The following BEST4 variants were observed in gnomAD, a reference collection of about 807,000 sequenced individuals.
The protein encoded by BEST4 is bestrophin-4.
BEST4 carries 36 observed loss-of-function variants against 47.1 expected under a neutral mutation model. The observed-to-expected ratio is 0.76, with a 90% CI of 0.59 to 1.01. BEST4 has a LOEUF of 1.01. Ranked by LOEUF, BEST4 falls within the 50% of genes least tolerant of loss-of-function variation. The pLI, the probability that BEST4 is intolerant of heterozygous loss-of-function variation, is 0.00. For synonymous variants in BEST4, 250 were observed against 277.8 expected (o/e 0.90, Z 1.00); for missense variants, 550 against 648.6 (o/e 0.85, Z 1.65).
rs1651299225 is a variant in BEST4 at position 44,787,693 on chromosome 1, A to G, written c.13T>C (p.Tyr5His). ...CGGGCCTCCGCCACTTTGAGAGTGT[A>G]TGAAACCGTCATGGTGCTGGGAGCC... MTVS[Y>H]TLKVAEARFG... Residue 5 changes from tyrosine to histidine, a missense_variant, in exon 1 of 9, where the codon TAC (tyrosine) becomes CAC (histidine). Around this residue, in one of 3 missense-constraint regions of BEST4, gnomAD observed 291 missense variants for 342.4 expected, o/e 0.85. Coordinates refer to ENST00000372207, the MANE Select transcript of BEST4 (RefSeq NM_153274.3). 1 of 1,613,978 alleles carries G rather than the reference A, an allele frequency of 6.2e-7. No individual in the cohort carries two copies. Among genetic ancestry groups the G allele is most frequent in the Non-Finnish European group, 8.5e-7 (1 of 1,180,042 alleles).
chr1:44,785,190 G>T lies in BEST4; in HGVS notation c.830C>A (p.Pro277Gln). 1 of 1,614,018 alleles carries T rather than the reference G, an allele frequency of 6.2e-7. No individual in the cohort carries two copies. The highest frequency in any genetic ancestry group is 8.5e-7 in the Non-Finnish European group (1 of 1,180,004). ...PQKLLKPGQE[P>Q]APALGDPDMY... ...GTCCGGGTCTCCCAGGGCTGGGGCT[G>T]GCTCCTGGCCTGGCTTCAGAAGCTT... Residue 277 changes from proline to glutamine, a missense_variant, in exon 6 of 9, where the codon CCA becomes CAA. Around this residue, in one of 3 missense-constraint regions of BEST4, gnomAD observed 255 missense variants for 286.6 expected, o/e 0.89. Coordinates refer to ENST00000372207, the MANE Select transcript of BEST4 (RefSeq NM_153274.3).
rs1427911359 is a variant in BEST4, at chr1:44,783,756, A to G, written c.*454T>C. ...CTCAAATTGTGTTTCCTGGACAAGC[A>G]GCACAGCATCACCTGGGAACTTGTT... On this transcript the variant is annotated 3_prime_UTR_variant, in exon 9 of 9. Coordinates refer to ENST00000372207, the MANE Select transcript of BEST4 (RefSeq NM_153274.3). 1.3e-5 allele frequency: 2 copies of G among 155,622 alleles called. No homozygotes were observed. The highest frequency in any genetic ancestry group is 4.8e-5 in the African/African-American group (2 of 41,594). 9.6% of individuals were successfully genotyped at this position (155,622 alleles called of 1,614,324 possible).
downstream of BEST4, among the ~76,000 whole-genome samples, chr1:44,781,900 G>A (rs1349942536): frequency 2.0e-5 from 3 of 152,184 alleles, no homozygotes; most frequent in Non-Finnish European, 2.9e-5. Flanking sequence ...TGTGGCTTAC[G>A]CCTGTAATCC....
At position 44,786,250 on chromosome 1, in the gene BEST4, G is replaced by A. The variant is rs762962787; in HGVS notation, c.482-22C>T. On this transcript the variant is annotated intron_variant, in intron 3 of 8. Transcript: ENST00000372207. The surrounding 1 kb of genome is among the most constrained non-coding windows in gnomAD (Gnocchi z 4.9). ...AAACCTGAGGGGGTAAAGCAGGTGG[G>A]GTGCAGTTGCACCCTCTGCCGCCAG... 1.9e-6 allele frequency: 3 copies of A among 1,597,706 alleles called. No individual in the cohort carries two copies. In the African/African-American group the frequency reaches 4.0e-5, roughly 21 times the overall value.
intron 5 of BEST4, 96 bp downstream of exon 5, chr1:44,785,503 A>C (rs989525790): frequency 4.2e-5 from 55 of 1,319,922 alleles, no homozygotes; most frequent in Non-Finnish European, 5.8e-5. Flanking sequence ...AGGGGACTGA[A>C]ATGGCCAGGC....
downstream of BEST4, among the ~76,000 whole-genome samples, chr1:44,782,898 G>A (rs1416005606): frequency 6.6e-6 from 1 of 152,084 alleles, no homozygotes; most frequent in Non-Finnish European, 1.5e-5. Context: ...GAATCGTATA[G>A]GAGCATAGTT....
chr1:44,789,272 GAAAAAGAA>G (rs1557615229), upstream of BEST4, among the ~76,000 whole-genome samples: 3 of 112,180 alleles, frequency 2.7e-5, no homozygotes, highest in Non-Finnish European at 6.3e-5. Flanking sequence ...AAGAAAGAAA[GAAAAAGAA>G]AAAGAAAAAG....
In BEST4 at chr1:44,784,907, G is replaced by C. The variant is rs16832241; in HGVS notation, c.991C>G (p.Gln331Glu). Residue 331 changes from glutamine to glutamate, a missense_variant and splice_region_variant, in exon 7 of 9, where the codon CAG (glutamine) becomes GAG (glutamate). Physicochemically the swap from Gln to Glu is conservative, Grantham distance 29. Coordinates refer to ENST00000372207, the MANE Select transcript of BEST4 (RefSeq NM_153274.3). The surrounding 1 kb of genome is among the most constrained non-coding windows in gnomAD (Gnocchi z 6.2). ...ETNQLIDRNL[Q>E]VSLLSVDEMY... Reference sequence around the variant, plus strand: ...TCCTGATCCTGATGCTTGCTCACCTGCAAGTTGCGGTCTATGAGCTGATTT... The same window carrying C: ...TCCTGATCCTGATGCTTGCTCACCTCCAAGTTGCGGTCTATGAGCTGATTT... 6.2e-7 allele frequency: 1 copy of C among 1,614,166 alleles called. No homozygotes were observed. The highest frequency in any genetic ancestry group is 8.5e-7 in the Non-Finnish European group (1 of 1,180,022).
chr1:44,786,016 A>G lies in BEST4; in HGVS notation c.636+58T>C. 1 of 1,527,878 alleles carries G rather than the reference A, an allele frequency of 6.5e-7. No individual in the cohort carries two copies. The highest frequency in any genetic ancestry group is 8.8e-7 in the Non-Finnish European group (1 of 1,138,724). The allele number at this position is 1,527,878 out of a possible 1,614,324, so 94.6% of individuals were successfully genotyped here. A position where few individuals can be genotyped will look rare whatever the true frequency, so the allele number is the denominator to read the frequency against. On this transcript the variant is annotated intron_variant, in intron 4 of 8. Transcript: ENST00000372207. This position sits in a 1 kb window ranked among gnomAD's most constrained non-coding sequence, Gnocchi z 4.9. Reference sequence around the variant, plus strand: ...ACAACTGTTAGGTATTAAAATTATTATTCATCTTTAAAATTAGAGGGAGGA... The same window carrying G: ...ACAACTGTTAGGTATTAAAATTATTGTTCATCTTTAAAATTAGAGGGAGGA...
intron 4 of BEST4, 81 bp from the exon 5 acceptor site, chr1:44,785,757 G>T: frequency 1.6e-6 from 2 of 1,220,612 alleles, no homozygotes; most frequent in Non-Finnish European, 2.3e-6. Context: ...CCTGGGCCTG[G>T]CCAGGAGGCT....
At chr1:44,788,235 G>A (rs1351526062), upstream of BEST4, among the ~76,000 whole-genome samples, 1 of 152,228 alleles carries the variant, frequency 6.6e-6, no homozygotes, top group Non-Finnish European at 1.5e-5. Flanking sequence ...GCTGGACTGA[G>A]GCCTATCATT....
chr1:44,789,474 G>A (rs187026015), upstream of BEST4, among the ~76,000 whole-genome samples: 299 of 151,072 alleles, frequency 2.0e-3, 1 homozygote, highest in African/African-American at 6.7e-3. Context: ...CGAGGCAGGC[G>A]GATCACCTGA....
In BEST4 at chr1:44,784,579, G is replaced by A; in HGVS notation, c.1148+50C>T. 6.4e-7 allele frequency: 1 copy of A among 1,574,014 alleles called. No individual in the cohort carries two copies. The highest frequency in any genetic ancestry group is 8.6e-7 in the Non-Finnish European group (1 of 1,161,498). Reference sequence around the variant, plus strand: ...AGGACCGAGGCATCGGTGCCCCAGAGGCTGAGCGAGGACCCGCGTGCCGGG... The same window carrying A: ...AGGACCGAGGCATCGGTGCCCCAGAAGCTGAGCGAGGACCCGCGTGCCGGG... On this transcript the variant is annotated intron_variant, in intron 8 of 8. Transcript: ENST00000372207. This position sits in a 1 kb window ranked among gnomAD's most constrained non-coding sequence, Gnocchi z 6.2.
intron 6 of BEST4, 59 bp downstream of exon 6, chr1:44,785,049 G>A: frequency 6.2e-7 from 1 of 1,611,108 alleles, no homozygotes; most frequent in Non-Finnish European, 8.5e-7. Context: ...CAAAGTCGGG[G>A]CAGCCCCTCT....
intron 1 of BEST4, 41 bp downstream of exon 1, chr1:44,787,513 C>T: frequency 6.2e-7 from 1 of 1,614,072 alleles, no homozygotes; most frequent in Non-Finnish European, 8.5e-7. Flanking sequence ...GTGGGTGGCC[C>T]AGTCTCCCCA....
Position 44,784,995 on chromosome 1 carries a change from G to A in BEST4, c.913-10C>T. On this transcript the variant is annotated splice_polypyrimidine_tract_variant and intron_variant, in intron 6 of 8. Transcript: ENST00000372207. This position sits in a 1 kb window ranked among gnomAD's most constrained non-coding sequence, Gnocchi z 6.2. ...TGATCTGTTCAGCCACCTATAGGTG[G>A]CAGAGACAGGGTTTTCTGGGTTCAG... 1.2e-6 allele frequency: 2 copies of A among 1,613,716 alleles called. No homozygotes were observed. Among genetic ancestry groups the A allele is most frequent in the Non-Finnish European group, 1.7e-6 (2 of 1,179,786 alleles).
upstream of BEST4, among the ~76,000 whole-genome samples, chr1:44,788,740 T>C (rs1262651999): frequency 1.3e-5 from 2 of 152,216 alleles, no homozygotes; most frequent in Non-Finnish European, 2.9e-5. Flanking sequence ...TCCTGTGCAC[T>C]GGCCACACTC....
chr1:44,786,670 G>C lies in BEST4; in HGVS notation c.274C>G (p.Arg92Gly), dbSNP rs935366567. ...LGFYVTLVVN[R>G]WWSQYTSIPL... Reference sequence around the variant, plus strand: ...ATGCTTGTGTACTGGGACCACCAGCGGTTCACCACGAGAGTCACATAGAAA... The same window carrying C: ...ATGCTTGTGTACTGGGACCACCAGCCGTTCACCACGAGAGTCACATAGAAA... Residue 92 changes from arginine (R) to glycine (G), a missense_variant, in exon 3 of 9, where the codon CGC (arginine) becomes GGC (glycine). By Grantham distance (125) the Arg-to-Gly change is moderately radical. Transcript: ENST00000372207. This position sits in a 1 kb window ranked among gnomAD's most constrained non-coding sequence, Gnocchi z 4.9. 9.0e-6 allele frequency: 14 copies of C among 1,551,268 alleles called. No individual in the cohort carries two copies. The highest frequency in any genetic ancestry group is 1.2e-5 in the Non-Finnish European group (14 of 1,146,846).
At chr1:44,791,326 A>C (rs548349313), upstream of BEST4, among the ~76,000 whole-genome samples, 1 of 152,114 alleles carries the variant, frequency 6.6e-6, no homozygotes, top group South Asian at 2.1e-4. Flanking sequence ...ATGGCCAGGC[A>C]GTTCATTCTC....
Sources: gnomAD v4.1 joint callset for allele counts (sites outside exome capture counted in the v4.1 genomes callset) on GRCh38, gnomAD v4.1.1 for gene constraint, gnomAD v4.1.1 regional missense constraint, Gnocchi (gnomAD v3.1) non-coding constraint, MANE v1.5 for transcripts, NCBI Gene and HGNC (gene_info 2026-07-23, HGNC 2026-07-21) for gene names.